GAD1: variants seen among roughly 807,000 people sequenced by gnomAD.
GAD1 encodes 67 kDa glutamic acid decarboxylase.
Under a neutral mutation model 75.2 loss-of-function variants are expected in GAD1, and 35 were observed. The observed-to-expected ratio is 0.47, with a 90% CI of 0.36 to 0.62. The LOEUF is 0.62. GAD1 is among the 20% of genes least tolerant of loss of function. The pLI, the probability that GAD1 is intolerant of heterozygous loss-of-function variation, is 0.00. For synonymous variants in GAD1, 257 were observed against 271.9 expected (o/e 0.95, Z 0.54); for missense variants, 490 against 758.5 (o/e 0.65, Z 4.16).
intron 5 of GAD1, among the ~76,000 whole-genome samples, chr2:170,834,686 C>T (rs975158208): frequency 6.6e-6 from 1 of 152,146 alleles, no homozygotes. Flanking sequence ...TTTACCTGTA[C>T]CGCCATCCAT....
Position 170,860,930 on chromosome 2 carries a change from AT to A in GAD1, c.*1049del, listed in dbSNP as rs1702950774. The A allele has an allele frequency of 6.6e-6, 1 of 152,632 alleles. No homozygotes were observed. Among genetic ancestry groups the A allele is most frequent in the African/African-American group, 2.4e-5 (1 of 41,454 alleles). The allele number at this position is 152,632 out of a possible 1,614,324, so 9.5% of individuals were successfully genotyped here. On this transcript the variant is annotated 3_prime_UTR_variant, in exon 17 of 17. Coordinates refer to ENST00000358196, the MANE Select transcript of GAD1 (RefSeq NM_000817.3). ...ATGCTTTTCTAGCAACTGTTGGATA[AT>A]AACTAGATCTCCTGTAATTTTGTAG...
intron 12 of GAD1, among the ~76,000 whole-genome samples, chr2:170,849,688 G>A (rs1702709416): frequency 6.6e-6 from 1 of 152,114 alleles, no homozygotes; most frequent in Non-Finnish European, 1.5e-5. Context: ...GTCTCTAATA[G>A]CTATCAATCA....
Position 170,818,062 on chromosome 2 carries a change from CA to C in GAD1, c.-63-466del, listed in dbSNP as rs1239110942. 6.1e-6 allele frequency: 1 copy of C among 164,122 alleles called. No homozygotes were observed. Among genetic ancestry groups the C allele is most frequent in the Non-Finnish European group, 1.3e-5 (1 of 75,372 alleles). 10.2% of individuals were successfully genotyped at this position (164,122 alleles called of 1,614,324 possible). On this transcript the variant is annotated intron_variant, in intron 1 of 16. Transcript: ENST00000358196. This position sits in a 1 kb window ranked among gnomAD's most constrained non-coding sequence, Gnocchi z 5.9. ...CAACAACGGGAACCAGACACCGAAC[CA>C]GACATGCCCGCCCCGTGCGCCCTCC...
In GAD1 at chr2:170,845,566, T is replaced by C; in HGVS notation, c.812T>C (p.Val271Ala). The C allele has an allele frequency of 6.2e-7, 1 of 1,614,162 alleles. No homozygotes were observed. ...MAARYKYFPE[V>A]KTKGMAAVPK... Reference sequence around the variant, plus strand: ...GCTCGCTACAAGTACTTCCCGGAAGTTAAGACAAAGGGCATGGCGGCTGTG... The same window carrying C: ...GCTCGCTACAAGTACTTCCCGGAAGCTAAGACAAAGGGCATGGCGGCTGTG... The change falls in exon 8 of 17, where the codon GTT becomes GCT. Residue 271 changes from valine to alanine, a missense_variant. Around this residue, in one of 3 missense-constraint regions of GAD1, gnomAD observed 324 missense variants for 523.9 expected, o/e 0.62. Coordinates refer to ENST00000358196, the MANE Select transcript of GAD1 (RefSeq NM_000817.3).
chr2:170,842,480 T>C, intron 6 of GAD1: 2 of 1,147,874 alleles, frequency 1.7e-6, no homozygotes, highest in Non-Finnish European at 2.7e-6. Context: ...TGTTCAAGAA[T>C]GGTTAAAAGC....
chr2:170,828,455 G>A lies in GAD1; in HGVS notation c.146-1020G>A, dbSNP rs527748982. Among the ~76,000 whole-genome samples the A allele has an allele frequency of 1.7e-3, 162 of 92,944 alleles. 5 individuals carry two copies. The highest frequency in any genetic ancestry group is 1.7e-3 in the East Asian group (4 of 2,420). The allele number at this position is 92,944 out of a possible 152,430, so 61.0% of individuals were successfully genotyped here. A position where few individuals can be genotyped will look rare whatever the true frequency, so the allele number is the denominator to read the frequency against. ...CCCTCCTCTTCCCTCCGCGGTCCTC[G>A]CTGTCCTCCCTCTGCTGTCCTTGAT... On this transcript the variant is annotated intron_variant, in intron 3 of 16. Coordinates refer to ENST00000358196, the MANE Select transcript of GAD1 (RefSeq NM_000817.3).
At chr2:170,828,923 C>G (rs937802988) in intron 3 of GAD1, 1 of 210,246 alleles carries the variant, frequency 4.8e-6, no homozygotes, top group African/African-American at 2.4e-5. Flanking sequence ...CTGTCCTCAC[C>G]CCTCCTCATC....
intron 3 of GAD1, among the ~76,000 whole-genome samples, chr2:170,822,447 G>A (rs950830543): frequency 1.3e-5 from 2 of 152,222 alleles, no homozygotes; most frequent in South Asian, 2.1e-4. Context: ...GCCCCCGCGC[G>A]GCAACCCCGC....
intron 10 of GAD1, 141 bp from the exon 11 acceptor site, chr2:170,847,535 T>C: frequency 4.0e-6 from 3 of 750,634 alleles, no homozygotes; most frequent in Non-Finnish European, 7.3e-6. Context: ...AACAAAACAC[T>C]ACTAGACATA....
chr2:170,846,186 T>G, intron 10 of GAD1, 123 bp downstream of exon 10: 1 of 877,278 alleles, frequency 1.1e-6, no homozygotes, highest in Non-Finnish European at 1.8e-6. Context: ...TTCTTCAAAT[T>G]TGCTTATTTC....
At chr2:170,854,464 G>C (rs925981263) in intron 14 of GAD1, among the ~76,000 whole-genome samples, 3 of 147,152 alleles carry the variant, frequency 2.0e-5, no homozygotes, top group Non-Finnish European at 3.0e-5. Flanking sequence ...GCAGTGGCGC[G>C]ATCTCGGCTC....
At chr2:170,854,112 T>A in intron 14 of GAD1, 90 bp downstream of exon 14, 1 of 1,308,102 alleles carries the variant, frequency 7.6e-7, no homozygotes, top group Non-Finnish European at 1.1e-6. Context: ...TCACAGATAA[T>A]TCACTATATG....
upstream of GAD1, chr2:170,816,592 C>T (rs1218063378): frequency 6.6e-6 from 1 of 151,916 alleles, no homozygotes; most frequent in African/African-American, 2.4e-5. Context: ...CTTTTCCCTC[C>T]TCTCACCCGA....
intron 12 of GAD1, among the ~76,000 whole-genome samples, chr2:170,849,633 G>A (rs1214685427): frequency 6.6e-6 from 1 of 152,208 alleles, no homozygotes; most frequent in Non-Finnish European, 1.5e-5. Context: ...AGGATCATTT[G>A]AGCCCAAGAG....
chr2:170,854,075 G>T (rs1575446202), intron 14 of GAD1, 53 bp downstream of exon 14: 1 of 1,602,812 alleles, frequency 6.2e-7, no homozygotes, highest in African/African-American at 1.3e-5. Flanking sequence ...TGCACAGACT[G>T]GCTGGCAAAA....
intron 6 of GAD1, among the ~76,000 whole-genome samples, chr2:170,839,097 C>G (rs1702441112): frequency 6.6e-6 from 1 of 152,130 alleles, no homozygotes; most frequent in African/African-American, 2.4e-5. Context: ...CAGTCGGGAA[C>G]AGTGTTCAAA....
At chr2:170,831,594 A>ATGTGTGTGTGTGTGTGTGTGTGTG (rs370649454) in intron 5 of GAD1, among the ~76,000 whole-genome samples, 2 of 122,804 alleles carry the variant, frequency 1.6e-5, no homozygotes, top group African/African-American at 3.1e-5. Context: ...GTCTCTACAT[A>ATGTGTGTGTGTGTGTGTGTGTGTG]TGTGTGTGTG....
At chr2:170,842,747 T>G in intron 6 of GAD1, 1 of 1,550,036 alleles carries the variant, frequency 6.5e-7, no homozygotes, top group East Asian at 2.3e-5. Flanking sequence ...AATAAAATAC[T>G]TCTACCAACA....
chr2:170,857,235 G>A, intron 15 of GAD1, 110 bp downstream of exon 15: 1 of 797,956 alleles, frequency 1.3e-6, no homozygotes, highest in Non-Finnish European at 2.1e-6. Flanking sequence ...GCCAGAAACT[G>A]CTTCAAAATT....
Sources: gnomAD v4.1 joint callset for allele counts (sites outside exome capture counted in the v4.1 genomes callset) on GRCh38, gnomAD v4.1.1 for gene constraint, gnomAD v4.1.1 regional missense constraint, Gnocchi (gnomAD v3.1) non-coding constraint, MANE v1.5 for transcripts, NCBI Gene and HGNC (gene_info 2026-07-23, HGNC 2026-07-21) for gene names.